The following BNIP2 variants were observed in gnomAD, a reference collection of about 807,000 sequenced individuals.
BNIP2 encodes BCL2 interacting protein 2, also known as BCL2/adenovirus E1B 19 kDa protein-interacting protein 2.
BNIP2 carries 36 observed loss-of-function variants against 43.4 expected under a neutral mutation model. The ratio of observed to expected loss-of-function variants is 0.83; its 90% CI spans 0.64 to 1.10. The LOEUF is 1.10. Among genes scored for constraint, BNIP2 ranks in the 50% least tolerant of loss-of-function variants. BNIP2 has a pLI of 0.00. For missense variants in BNIP2, 417 were observed against 374.1 expected, an observed-to-expected ratio of 1.11 and a Z score of -0.95; for synonymous variants, 146 against 121.0, an observed-to-expected ratio of 1.21 and a Z score of -1.35.
At chr15:59,669,921 G>T (rs1319552760) in intron 7 of BNIP2, among the ~76,000 whole-genome samples, 7 of 152,180 alleles carry the variant, frequency 4.6e-5, no homozygotes, top group African/African-American at 1.2e-4. Flanking sequence ...CACACATAAA[G>T]TGAGATACAT....
At chr15:59,678,891 T>C (rs1291025752) in intron 4 of BNIP2, 7 of 1,294,564 alleles carry the variant, frequency 5.4e-6, no homozygotes, top group Non-Finnish European at 7.1e-6. Flanking sequence ...ACTATTTCAG[T>C]ATCTTTACAA....
At position 59,663,935 on chromosome 15, in the gene BNIP2, G is replaced by C. The variant is rs1424301588; in HGVS notation, c.*134C>G. The C allele has an allele frequency of 5.8e-6, 4 of 684,816 alleles. No individual in the cohort carries two copies. Among genetic ancestry groups the C allele is most frequent in the Admixed American group, 3.5e-5 (1 of 28,870 alleles). The allele number at this position is 684,816 out of a possible 1,614,324, so 42.4% of individuals were successfully genotyped here. On this transcript the variant is annotated 3_prime_UTR_variant, in exon 10 of 10. Coordinates refer to ENST00000607373, the MANE Select transcript of BNIP2 (RefSeq NM_004330.4). ...GAACAGTCCCTTGTATAATACAAAA[G>C]TCCATTATGAAAAAGTCAAGTCTAT...
chr15:59,673,518 G>A (rs1893068741), intron 5 of BNIP2, among the ~76,000 whole-genome samples: 1 of 152,140 alleles, frequency 6.6e-6, no homozygotes, highest in Non-Finnish European at 1.5e-5. Flanking sequence ...TTGAACTTCT[G>A]GGCTCAAGGG....
chr15:59,664,526 C>T (rs1430996736), intron 9 of BNIP2, among the ~76,000 whole-genome samples: 3 of 152,006 alleles, frequency 2.0e-5, no homozygotes, highest in Non-Finnish European at 2.9e-5. Flanking sequence ...GGACTACAGG[C>T]GCCCGCCACC....
At chr15:59,685,204 A>G (rs1048605020) in intron 1 of BNIP2, among the ~76,000 whole-genome samples, 7 of 152,218 alleles carry the variant, frequency 4.6e-5, no homozygotes, top group Non-Finnish European at 8.8e-5. Context: ...GTCTCTGTGA[A>G]AACAGCTCCT....
rs147859283 is a variant in BNIP2, at chr15:59,684,016, G to A, written c.-57-1502C>T. Among the ~76,000 whole-genome samples the A allele has an allele frequency of 2.2e-4, 33 of 152,194 alleles. No homozygotes were observed. In the East Asian group the frequency reaches 5.0e-3, roughly 23 times the overall value. ...GTCCTATAGCTATCTTATCTGCTAC[G>A]TCAACATTCAAAAGATGCACAAAGT... On this transcript the variant is annotated intron_variant, in intron 1 of 9. Transcript: ENST00000607373.
chr15:59,684,946 T>G (rs1893919350), intron 1 of BNIP2, among the ~76,000 whole-genome samples: 1 of 152,184 alleles, frequency 6.6e-6, no homozygotes, highest in Admixed American at 6.5e-5. Context: ...ACCTGTAGGG[T>G]ATGGACACTG....
At position 59,671,472 on chromosome 15, in the gene BNIP2, T is replaced by A. The variant is rs186926885; in HGVS notation, c.576-158A>T. ...ATTAGCTAGTATTACGATTATCTTA[T>A]TTTTTAGAGATATATTTTGAAATGT... is the stretch of plus-strand genomic sequence containing the variant. On this transcript the variant is annotated intron_variant, in intron 6 of 9. Coordinates refer to ENST00000607373, the MANE Select transcript of BNIP2 (RefSeq NM_004330.4). Among the ~76,000 whole-genome samples, 26 of 152,350 alleles carry A rather than the reference T, an allele frequency of 1.7e-4. No homozygotes were observed. In the East Asian group the frequency reaches 1.9e-3, roughly 11 times the overall value.
intron 2 of BNIP2, among the ~76,000 whole-genome samples, chr15:59,680,527 T>G (rs896436809): frequency 6.6e-6 from 1 of 152,064 alleles, no homozygotes. Context: ...GCTCAAGAGA[T>G]CCTCCCGAGT....
chr15:59,683,500 A>G (rs77234561), intron 1 of BNIP2, among the ~76,000 whole-genome samples: 2 of 152,300 alleles, frequency 1.3e-5, no homozygotes, highest in African/African-American at 4.8e-5. Flanking sequence ...CATCACTAGC[A>G]GTACTAAAAA....
rs1419726767 is a variant in BNIP2 at position 59,678,050 on chromosome 15, C to T, written c.333G>A (p.Arg111=). ...LPKPKTTEVI[R]KGSITEYTAA... ...CTGTGTATTCAGTAATTGAGCCTTT[C>T]CTAATTACTTCAGTAGTCTTGGGTT... Residue 111 remains arginine, a synonymous_variant, in exon 5 of 10, where the codon AGG becomes AGA. Coordinates refer to ENST00000607373, the MANE Select transcript of BNIP2 (RefSeq NM_004330.4). The T allele has an allele frequency of 1.2e-6, 2 of 1,613,180 alleles. No individual in the cohort carries two copies. Among genetic ancestry groups the T allele is most frequent in the Non-Finnish European group, 1.7e-6 (2 of 1,179,672 alleles).
At chr15:59,680,667 T>C (rs1469800999) in intron 2 of BNIP2, among the ~76,000 whole-genome samples, 1 of 152,192 alleles carries the variant, frequency 6.6e-6, no homozygotes, top group African/African-American at 2.4e-5. Context: ...TCCCTAAGTG[T>C]TGGGATTACA....
Position 59,662,869 on chromosome 15 carries a change from GCACAAA to G in BNIP2, c.*1194_*1199del, listed in dbSNP as rs1348391765. The G allele has an allele frequency of 1.3e-5, 2 of 152,094 alleles. No homozygotes were observed. The highest frequency in any genetic ancestry group is 6.6e-5 in the Admixed American group (1 of 15,266). 9.4% of individuals were successfully genotyped at this position (152,094 alleles called of 1,614,324 possible). A position where few individuals can be genotyped will look rare whatever the true frequency, so the allele number is the denominator to read the frequency against. On this transcript the variant is annotated 3_prime_UTR_variant, in exon 10 of 10. Coordinates refer to ENST00000607373, the MANE Select transcript of BNIP2 (RefSeq NM_004330.4). Reference sequence around the variant, plus strand: ...CGGTAATTAAACTTTTTGTTTGGAGGCACAAACACAATTTATTTCAATGTAAAGGTA... The same window carrying G: ...CGGTAATTAAACTTTTTGTTTGGAGGCACAATTTATTTCAATGTAAAGGTA...
At chr15:59,685,491 ACT>A (rs1209188731) in intron 1 of BNIP2, among the ~76,000 whole-genome samples, 6 of 152,106 alleles carry the variant, frequency 3.9e-5, no homozygotes, top group African/African-American at 9.7e-5. Flanking sequence ...ACAAAGGGAG[ACT>A]CTGTCTCAAA....
chr15:59,678,666 T>G, intron 4 of BNIP2: 1 of 1,187,216 alleles, frequency 8.4e-7, no homozygotes, highest in African/African-American at 1.6e-5. Flanking sequence ...AATGATTAAG[T>G]GTAATTTATG....
At chr15:59,678,366 A>G in intron 4 of BNIP2, 1 of 1,140,816 alleles carries the variant, frequency 8.8e-7, no homozygotes, top group Non-Finnish European at 1.1e-6. Flanking sequence ...TATAATTTGT[A>G]GAGTCATCAA....
At chr15:59,674,295 G>C (rs1296747321) in intron 5 of BNIP2, among the ~76,000 whole-genome samples, 2 of 152,008 alleles carry the variant, frequency 1.3e-5, no homozygotes, top group African/African-American at 4.8e-5. Context: ...AACATTTCAA[G>C]AACATCAGAA....
chr15:59,677,017 G>A (rs568748059), intron 5 of BNIP2: 14 of 1,612,706 alleles, frequency 8.7e-6, no homozygotes, highest in Non-Finnish European at 1.2e-5. Context: ...AGATTGATCA[G>A]GAGACTGTTA....
At position 59,663,933 on chromosome 15, in the gene BNIP2, A is replaced by C; in HGVS notation, c.*136T>G. The C allele has an allele frequency of 1.5e-6, 1 of 677,710 alleles. No individual in the cohort carries two copies. The highest frequency in any genetic ancestry group is 2.4e-6 in the Non-Finnish European group (1 of 423,772). 42.0% of individuals were successfully genotyped at this position (677,710 alleles called of 1,614,324 possible). On this transcript the variant is annotated 3_prime_UTR_variant, in exon 10 of 10. Coordinates refer to ENST00000607373, the MANE Select transcript of BNIP2 (RefSeq NM_004330.4). Reference sequence around the variant, plus strand: ...GTGAACAGTCCCTTGTATAATACAAAAGTCCATTATGAAAAAGTCAAGTCT... The same window carrying C: ...GTGAACAGTCCCTTGTATAATACAACAGTCCATTATGAAAAAGTCAAGTCT...
Sources: allele counts gnomAD v4.1 joint callset (sites outside exome capture counted in the v4.1 genomes callset), GRCh38; gene constraint gnomAD v4.1.1; transcripts MANE v1.5; gene names NCBI Gene and HGNC (gene_info 2026-07-23, HGNC 2026-07-21).